TRIM34: variants seen among roughly 807,000 people sequenced by gnomAD.
TRIM34 encodes tripartite motif containing 34.
TRIM34 carries 41 observed loss-of-function variants against 38.1 expected under a neutral mutation model. That is an observed-to-expected ratio of 1.08 (90% CI 0.84 to 1.40). The LOEUF is 1.40. Ranked by LOEUF, TRIM34 falls within the 40% of genes most tolerant of loss-of-function variation. The pLI is 0.00. For missense variants in TRIM34, 556 were observed against 571.4 expected (o/e 0.97, Z 0.27); for synonymous variants, 200 against 202.5 (o/e 0.99, Z 0.10).
At chr11:5,635,444 C>T (rs899985889) in intron 4 of TRIM34, among the ~76,000 whole-genome samples, 1 of 151,886 alleles carries the variant, frequency 6.6e-6, no homozygotes, top group Admixed American at 6.6e-5. Flanking sequence ...TTTTAGTAAA[C>T]ATGGGGTTTC....
intron 1 of TRIM34, among the ~76,000 whole-genome samples, chr11:5,631,688 A>G (rs1381463910): frequency 6.6e-6 from 1 of 152,190 alleles, no homozygotes; most frequent in African/African-American, 2.4e-5. Flanking sequence ...GCTATTGAAG[A>G]ATTTCCAAAT....
chr11:5,621,792 T>G (rs934128690), upstream of TRIM34, among the ~76,000 whole-genome samples: 1 of 152,160 alleles, frequency 6.6e-6, no homozygotes, highest in Non-Finnish European at 1.5e-5. Flanking sequence ...CTCAAAAGAA[T>G]GCAACAGGTT....
At chr11:5,641,220 TGA>T in intron 5 of TRIM34, 31 bp downstream of exon 5, 2 of 1,613,788 alleles carry the variant, frequency 1.2e-6, no homozygotes, top group Non-Finnish European at 1.7e-6. Context: ...GTGGTGCTTG[TGA>T]GTTATAAAGA....
At chr11:5,641,221 G>A (rs919861076) in intron 5 of TRIM34, 32 bp downstream of exon 5, 13 of 1,613,612 alleles carry the variant, frequency 8.1e-6, no homozygotes, top group Non-Finnish European at 5.1e-6. Flanking sequence ...TGGTGCTTGT[G>A]AGTTATAAAG....
chr11:5,642,942 G>A, intron 7 of TRIM34, 99 bp downstream of exon 7: 1 of 1,521,876 alleles, frequency 6.6e-7, no homozygotes, highest in Non-Finnish European at 8.9e-7. Context: ...TGCATTCTCA[G>A]CACCTCCCAA....
chr11:5,629,548 C>T (rs1404454338), intron 1 of TRIM34, among the ~76,000 whole-genome samples: 2 of 152,128 alleles, frequency 1.3e-5, no homozygotes, highest in Admixed American at 1.3e-4. Flanking sequence ...ATCATCATGC[C>T]ACTACTCTGT....
chr11:5,641,369 C>A, intron 5 of TRIM34, 180 bp downstream of exon 5: 1 of 1,409,666 alleles, frequency 7.1e-7, no homozygotes, highest in Non-Finnish European at 9.4e-7. Context: ...TATTAATGGA[C>A]TCGATCCTAT....
upstream of TRIM34, chr11:5,624,777 T>G (rs1849128711): frequency 6.6e-6 from 1 of 152,238 alleles, no homozygotes. Context: ...TGCCATCTAG[T>G]GCAAATCCTC....
At chr11:5,622,363 T>A (rs1253299479), upstream of TRIM34, among the ~76,000 whole-genome samples, 1 of 150,208 alleles carries the variant, frequency 6.7e-6, no homozygotes, top group Non-Finnish European at 1.5e-5. Flanking sequence ...GAGAATGGCG[T>A]GAACCCGGCA....
chr11:5,631,079 G>A (rs958423702), intron 1 of TRIM34, among the ~76,000 whole-genome samples: 2 of 152,098 alleles, frequency 1.3e-5, no homozygotes, highest in African/African-American at 4.8e-5. Flanking sequence ...TCTATTCCTC[G>A]ATGATCTGAC....
upstream of TRIM34, among the ~76,000 whole-genome samples, chr11:5,622,944 T>C (rs1462981150): frequency 2.6e-5 from 4 of 152,156 alleles, no homozygotes; most frequent in African/African-American, 9.7e-5. Context: ...CATCAATCAA[T>C]ATATGTCCGC....
At position 5,642,363 on chromosome 11, in the gene TRIM34, A is replaced by G. The variant is rs555124743; in HGVS notation, c.774-43A>G. ...CCAGTGATGTGGGAGGGATGGACAC[A>G]GGATGAGAGATGTGGGGGTCAAAAA... On this transcript the variant is annotated intron_variant, in intron 5 of 7. Transcript: ENST00000429814. The G allele has an allele frequency of 5.8e-6, 9 of 1,558,302 alleles. No individual in the cohort carries two copies. In the African/African-American group the frequency reaches 6.8e-5, roughly 12 times the overall value.
chr11:5,632,110 C>G, intron 1 of TRIM34, 145 bp from the exon 2 acceptor site: 1 of 1,168,858 alleles, frequency 8.6e-7, no homozygotes, highest in Non-Finnish European at 1.2e-6. Context: ...ACAGCTCGCC[C>G]AGACCACTTT....
intron 1 of TRIM34, among the ~76,000 whole-genome samples, chr11:5,628,028 T>C (rs1241904321): frequency 6.6e-6 from 1 of 152,222 alleles, no homozygotes; most frequent in Non-Finnish European, 1.5e-5. Flanking sequence ...GTCAGGCCAA[T>C]GGCACTCATG....
chr11:5,643,298 A>G lies in TRIM34; in HGVS notation c.1056A>G (p.Glu352=). 1.2e-6 allele frequency: 2 copies of G among 1,614,084 alleles called. No individual in the cohort carries two copies. The highest frequency in any genetic ancestry group is 1.7e-6 in the Non-Finnish European group (2 of 1,179,980). The stretch of plus-strand genomic sequence containing the variant: ...TCTCCTCTGGGAAACATTACTGGGA[A>G]GTGGACGTGTCCAAGAAAACTGCCT... ...QYFSSGKHYW[E]VDVSKKTAWI... is the part of the protein sequence containing the mutation. The change falls in exon 8 of 8, where the codon GAA becomes GAG. Residue 352 remains glutamate, a synonymous_variant. Transcript: ENST00000429814.
In TRIM34 at chr11:5,643,178, G is replaced by C. The variant is rs1015355628; in HGVS notation, c.936G>C (p.Leu312Phe). The change falls in exon 8 of 8, where the codon TTG (leucine) becomes TTC (phenylalanine). Residue 312 changes from leucine to phenylalanine, a missense_variant. Physicochemically the swap from Leu to Phe is conservative, Grantham distance 22. Transcript: ENST00000429814. ...DVTLNSVNLNLNLVLSEDQRQ... is the reference protein window; with the variant it reads ...DVTLNSVNLNFNLVLSEDQRQ... ...CACTGAATTCAGTCAACCTAAATTT[G>C]AATCTTGTCCTTTCAGAAGATCAGA... 1 of 1,567,886 alleles carries C rather than the reference G, an allele frequency of 6.4e-7. No homozygotes were observed. The highest frequency in any genetic ancestry group is 8.6e-7 in the Non-Finnish European group (1 of 1,161,158).
In TRIM34 at chr11:5,634,640, C is replaced by T; in HGVS notation, c.529C>T (p.Gln177Ter). Residue 177 changes from glutamine to a stop codon, truncating the protein, a stop_gained, in exon 4 of 8, where the codon CAA becomes TAA. Transcript: ENST00000429814. LOFTEE classifies it high-confidence loss of function. ...EEKTSWKYQV[Q>*]TERQRIQTEF... ...TTGTCCATCCTTGCAGTATCAGGTA[C>T]AAACTGAGAGACAAAGGATACAAAC... The T allele has an allele frequency of 6.2e-7, 1 of 1,612,380 alleles. No homozygotes were observed. The highest frequency in any genetic ancestry group is 1.1e-5 in the South Asian group (1 of 90,964).
chr11:5,624,512 C>T (rs758466731), upstream of TRIM34, among the ~76,000 whole-genome samples: 2 of 152,100 alleles, frequency 1.3e-5, no homozygotes, highest in Admixed American at 6.6e-5. Context: ...TAAACTGATT[C>T]GAGGGACCAT....
chr11:5,627,647 G>C (rs749075822), intron 1 of TRIM34, among the ~76,000 whole-genome samples: 3 of 152,172 alleles, frequency 2.0e-5, no homozygotes, highest in African/African-American at 7.2e-5. Flanking sequence ...CATTAATGTG[G>C]TATAGATTGG....
Sources: allele counts gnomAD v4.1 joint callset (sites outside exome capture counted in the v4.1 genomes callset), GRCh38; gene constraint gnomAD v4.1.1; transcripts MANE v1.5; gene names NCBI Gene and HGNC (gene_info 2026-07-23, HGNC 2026-07-21).